STPG2: variants seen among roughly 807,000 people sequenced by gnomAD.
STPG2 encodes sperm tail PG-rich repeat containing 2.
A neutral mutation model predicts 54.2 loss-of-function variants in STPG2; 56 were observed. That is an observed-to-expected ratio of 1.03 (90% CI 0.83 to 1.29). STPG2 has a LOEUF of 1.29. STPG2 is among the 50% of genes most tolerant of loss of function. STPG2 has a pLI of 0.00. For missense variants in STPG2, 596 were observed against 544.9 expected (o/e 1.09, Z -0.93); for synonymous variants, 200 against 181.8 (o/e 1.10, Z -0.81).
At chr4:97,581,189 G>C (rs1732855564) in intron 10 of STPG2, among the ~76,000 whole-genome samples, 1 of 151,968 alleles carries the variant, frequency 6.6e-6, no homozygotes, top group South Asian at 2.1e-4. Context: ...CACTTTAGTT[G>C]CTCAACTGAC....
intron 5 of STPG2, among the ~76,000 whole-genome samples, chr4:97,996,657 A>G (rs1735251848): frequency 7.5e-6 from 1 of 133,936 alleles, no homozygotes; most frequent in Non-Finnish European, 1.6e-5. Context: ...GAATGAGAGA[A>G]AAATTTGGAA....
rs1334038141 is a variant in STPG2, at chr4:97,510,971, TA to T, written c.462+201727del. 4.0e-5 allele frequency among the ~76,000 whole-genome samples: 6 copies of T among 151,746 alleles called. No homozygotes were observed. In the East Asian group the frequency reaches 1.2e-3, roughly 30 times the overall value. On this transcript the variant is annotated intron_variant, in intron 4 of 4. Coordinates refer to the STPG2 transcript ENST00000522676. ...CAACAGAGCAAACTCCCATCTCTAATAATAATAATAGCTAACAAAGGAGAAA... is the reference window on the plus strand; with the variant it reads ...CAACAGAGCAAACTCCCATCTCTAATATAATAATAGCTAACAAAGGAGAAA...
At chr4:97,960,026 T>C (rs1733828887) in intron 7 of STPG2, among the ~76,000 whole-genome samples, 1 of 152,118 alleles carries the variant, frequency 6.6e-6, no homozygotes, top group Non-Finnish European at 1.5e-5. Context: ...ACACCAGGGA[T>C]GCAGGGAAGG....
chr4:97,913,342 T>C (rs1384330082), intron 8 of STPG2, among the ~76,000 whole-genome samples: 1 of 152,192 alleles, frequency 6.6e-6, no homozygotes, highest in Non-Finnish European at 1.5e-5. Flanking sequence ...GCTGTTTGTT[T>C]GGAATTAGAG....
chr4:97,960,565 A>G (rs1006080041), intron 7 of STPG2, among the ~76,000 whole-genome samples: 1 of 152,094 alleles, frequency 6.6e-6, no homozygotes, highest in Admixed American at 6.5e-5. Flanking sequence ...GTGACAAGCT[A>G]AGAATCAAAT....
intron 1 of STPG2, among the ~76,000 whole-genome samples, chr4:98,136,584 A>T (rs1050557022): frequency 1.3e-5 from 2 of 151,852 alleles, no homozygotes; most frequent in East Asian, 1.9e-4. Context: ...GCAAAATTTT[A>T]AAAAAATGTA....
intron 8 of STPG2, among the ~76,000 whole-genome samples, chr4:97,924,123 C>T (rs1319587496): frequency 3.9e-5 from 6 of 152,214 alleles, no homozygotes; most frequent in African/African-American, 1.4e-4. Flanking sequence ...TCTGCAGCTT[C>T]ACTCCTGAGG....
intron 5 of STPG2, among the ~76,000 whole-genome samples, chr4:98,074,842 T>C (rs888466918): frequency 6.6e-6 from 1 of 152,238 alleles, no homozygotes; most frequent in Non-Finnish European, 1.5e-5. Context: ...TTCAGCAGCT[T>C]AATCACAATT....
chr4:97,662,165 A>G (rs1313471034), intron 10 of STPG2, among the ~76,000 whole-genome samples: 6 of 152,292 alleles, frequency 3.9e-5, no homozygotes, highest in Non-Finnish European at 7.4e-5. Context: ...TCTATAAGAA[A>G]TTAAACAAAT....
intron 3 of STPG2, among the ~76,000 whole-genome samples, chr4:98,120,945 C>T (rs755595205): frequency 1.2e-4 from 19 of 152,160 alleles, no homozygotes; most frequent in Non-Finnish European, 1.2e-4. Context: ...GTGTCAATTG[C>T]TTTTAGCATT....
intron 2 of STPG2, among the ~76,000 whole-genome samples, chr4:98,130,930 A>AAAAAG: frequency 7.0e-6 from 1 of 143,192 alleles, no homozygotes; most frequent in Non-Finnish European, 1.5e-5. Flanking sequence ...TCAAAAAAAA[A>AAAAAG]AAAAAAAAAC....
chr4:98,076,900 C>T (rs1346304384), intron 5 of STPG2, among the ~76,000 whole-genome samples: 1 of 152,090 alleles, frequency 6.6e-6, no homozygotes, highest in Non-Finnish European at 1.5e-5. Flanking sequence ...ATTGTTGCTA[C>T]TATTACTAAT....
At chr4:97,448,851 G>A (rs540001939) in intron 4 of STPG2, among the ~76,000 whole-genome samples, 4 of 152,164 alleles carry the variant, frequency 2.6e-5, no homozygotes. Flanking sequence ...TACATTAAAT[G>A]TTCTCTTCAG....
intron 10 of STPG2, among the ~76,000 whole-genome samples, chr4:97,587,192 T>G (rs1193657867): frequency 6.6e-6 from 1 of 151,954 alleles, no homozygotes; most frequent in African/African-American, 2.4e-5. Flanking sequence ...AATGGGTAAA[T>G]TTTTATTTAC....
chr4:98,089,709 C>T (rs1217413120), intron 5 of STPG2, among the ~76,000 whole-genome samples: 1 of 126,788 alleles, frequency 7.9e-6, no homozygotes, highest in Non-Finnish European at 1.8e-5. Context: ...TCCATGCCAA[C>T]ATCTTTTTTT....
At chr4:97,861,105 G>C (rs1035473540) in intron 8 of STPG2, among the ~76,000 whole-genome samples, 1 of 151,822 alleles carries the variant, frequency 6.6e-6, no homozygotes, top group African/African-American at 2.4e-5. Flanking sequence ...ATCTGTTAGG[G>C]GATTAATAAC....
chr4:97,540,008 C>T (rs985260170), intron 4 of STPG2, among the ~76,000 whole-genome samples: 2 of 152,080 alleles, frequency 1.3e-5, no homozygotes, highest in East Asian at 1.9e-4. Context: ...GCACTAAATG[C>T]CCACAAGAGA....
intron 9 of STPG2, among the ~76,000 whole-genome samples, chr4:97,825,886 G>A (rs946865945): frequency 6.6e-6 from 1 of 152,160 alleles, no homozygotes; most frequent in African/African-American, 2.4e-5. Context: ...TAAAATAAAA[G>A]TCTTCAAAAT....
intron 4 of STPG2, among the ~76,000 whole-genome samples, chr4:97,461,627 AC>A (rs1333210698): frequency 6.6e-6 from 1 of 152,164 alleles, no homozygotes; most frequent in African/African-American, 2.4e-5. Context: ...TTTATAACCC[AC>A]CCAGTCTATG....
Sources: gnomAD v4.1 joint callset for allele counts (sites outside exome capture counted in the v4.1 genomes callset) on GRCh38, gnomAD v4.1.1 for gene constraint, MANE v1.5 for transcripts, NCBI Gene and HGNC (gene_info 2026-07-23, HGNC 2026-07-21) for gene names.